Variants in VPS33B observed in about 807,000 individuals in gnomAD.
VPS33B encodes the protein VPS33B late endosome and lysosome associated.
VPS33B carries 80 observed loss-of-function variants against 95.3 expected under a neutral mutation model. The observed-to-expected ratio is 0.84, with a 90% CI of 0.70 to 1.01. The LOEUF (loss-of-function observed/expected upper bound fraction) is 1.01. Among genes scored for constraint, VPS33B ranks in the 50% least tolerant of loss-of-function variants. The pLI is 0.00. For missense variants in VPS33B, 715 were observed against 773.4 expected (o/e 0.92, Z 0.90); for synonymous variants, 280 against 280.4 (o/e 1.00, Z 0.01).
In VPS33B at chr15:91,022,333, G is replaced by T. The variant is rs548888101; in HGVS notation, c.-84C>A. On this transcript the variant is annotated 5_prime_UTR_variant, in exon 1 of 23. Coordinates refer to ENST00000333371, the MANE Select transcript of VPS33B (RefSeq NM_018668.5). ...CGCAGCCCAGGGAAGCGCAAGGGGG[G>T]CTATCCTTCAGGCCTGGGCACCGAC... 32 of 1,404,730 alleles carry T rather than the reference G, an allele frequency of 2.3e-5. No homozygotes were observed. The South Asian group carries it at 4.2e-4, about 18-fold the overall frequency. 87.0% of individuals were successfully genotyped at this position (1,404,730 alleles called of 1,614,324 possible). A position where few individuals can be genotyped will look rare whatever the true frequency, so the allele number is the denominator to read the frequency against.
Position 91,017,010 on chromosome 15 carries a change from G to A in VPS33B, c.192C>T (p.Asp64=). 2 of 1,613,980 alleles carry A rather than the reference G, an allele frequency of 1.2e-6. No individual in the cohort carries two copies. Among genetic ancestry groups the A allele is most frequent in the East Asian group, 2.2e-5 (1 of 44,878 alleles). ...NVSILKQHEV[D]KLYKVENKPA... is the part of the protein sequence containing the mutation. ...GCTTGTTCTCCACCTTGTATAGCTT[G>A]TCTACTTCGTGTTGCTACAGAGAGA... The change falls in exon 3 of 23, where the codon GAC becomes GAT. Residue 64 remains aspartate (D), a synonymous_variant. Transcript: ENST00000333371.
chr15:91,000,390 C>T lies in VPS33B; in HGVS notation c.1581+100G>A. ...CCAGCCTGGGTGACAGAGCAAGACT[C>T]CATCTCAAATAAAAAAAAAAAAACA... On this transcript the variant is annotated intron_variant, in intron 20 of 22. Coordinates refer to ENST00000333371, the MANE Select transcript of VPS33B (RefSeq NM_018668.5). The surrounding 1 kb of genome is among the most constrained non-coding windows in gnomAD (Gnocchi z 4.9). 1 of 1,123,566 alleles carries T rather than the reference C, an allele frequency of 8.9e-7. No homozygotes were observed. Among genetic ancestry groups the T allele is most frequent in the South Asian group, 1.3e-5 (1 of 74,584 alleles). 69.6% of individuals were successfully genotyped at this position (1,123,566 alleles called of 1,614,324 possible). A position where few individuals can be genotyped will look rare whatever the true frequency, so the allele number is the denominator to read the frequency against.
intron 17 of VPS33B, 69 bp downstream of exon 17, chr15:91,003,016 C>T (rs928785254): frequency 1.9e-6 from 3 of 1,558,442 alleles, no homozygotes; most frequent in African/African-American, 2.7e-5. Context: ...ACTTCTCTTG[C>T]CTCTTTCAAA....
In VPS33B at chr15:90,999,991, C is replaced by A; in HGVS notation, c.1582-16G>T. Reference sequence around the variant, plus strand: ...GCTCTAGCACCTGGGAAGGTGTAAGCACTGTTTTTAAGGCTACAGACAGTA... The same window carrying A: ...GCTCTAGCACCTGGGAAGGTGTAAGAACTGTTTTTAAGGCTACAGACAGTA... On this transcript the variant is annotated splice_polypyrimidine_tract_variant and intron_variant, in intron 20 of 22. Transcript: ENST00000333371. The surrounding 1 kb of genome is among the most constrained non-coding windows in gnomAD (Gnocchi z 5.1). 3 of 1,614,064 alleles carry A rather than the reference C, an allele frequency of 1.9e-6. No individual in the cohort carries two copies. The highest frequency in any genetic ancestry group is 2.5e-6 in the Non-Finnish European group (3 of 1,180,008).
Position 91,007,822 on chromosome 15 carries a change from A to G in VPS33B, c.498+48T>C. Reference sequence around the variant, plus strand: ...GTATTTCTAGCCCTCTGCATCCCACATTTGTCCCCATCCCCTGATGCCAAG... The same window carrying G: ...GTATTTCTAGCCCTCTGCATCCCACGTTTGTCCCCATCCCCTGATGCCAAG... On this transcript the variant is annotated intron_variant, in intron 7 of 22. Coordinates refer to ENST00000333371, the MANE Select transcript of VPS33B (RefSeq NM_018668.5). This position sits in a 1 kb window ranked among gnomAD's most constrained non-coding sequence, Gnocchi z 5.3. 2 of 1,556,112 alleles carry G rather than the reference A, an allele frequency of 1.3e-6. No homozygotes were observed. Among genetic ancestry groups the G allele is most frequent in the South Asian group, 1.1e-5 (1 of 89,926 alleles).
At position 91,016,147 on chromosome 15, in the gene VPS33B, G is replaced by A. The variant is rs115919684; in HGVS notation, c.239+816C>T. Among the ~76,000 whole-genome samples, 568 of 152,202 alleles carry A rather than the reference G, an allele frequency of 3.7e-3. 2 individuals are homozygous for A. The highest frequency in any genetic ancestry group is 0.013 in the African/African-American group (539 of 41,524). On this transcript the variant is annotated intron_variant, in intron 3 of 22. Transcript: ENST00000333371. The stretch of plus-strand genomic sequence containing the variant: ...TCTGAAGGATGGACATTCTTTATAG[G>A]AGCAGTGAGGACAGGAGAGAATTTC...
At position 91,005,493 on chromosome 15, in the gene VPS33B, C is replaced by T; in HGVS notation, c.1031-39G>A. On this transcript the variant is annotated intron_variant, in intron 13 of 22. Coordinates refer to ENST00000333371, the MANE Select transcript of VPS33B (RefSeq NM_018668.5). This position sits in a 1 kb window ranked among gnomAD's most constrained non-coding sequence, Gnocchi z 6.4. ...AAAGGGAGCTGACATACTCCTGGTT[C>T]TAGAAAGATGTCCCTTTATTGTCCG... is the stretch of plus-strand genomic sequence containing the variant. The T allele has an allele frequency of 2.5e-6, 4 of 1,613,036 alleles. No homozygotes were observed. Among genetic ancestry groups the T allele is most frequent in the Non-Finnish European group, 3.4e-6 (4 of 1,179,170 alleles).
intron 1 of VPS33B, among the ~76,000 whole-genome samples, chr15:91,020,764 C>T (rs542744274): frequency 6.6e-6 from 1 of 152,198 alleles, no homozygotes; most frequent in Non-Finnish European, 1.5e-5. Flanking sequence ...GCCTGTAATC[C>T]CAACTACTGG....
Position 91,002,148 on chromosome 15 carries a change from T to C in VPS33B, c.1307A>G (p.Asn436Ser), listed in dbSNP as rs145418676. 3.9e-5 allele frequency: 63 copies of C among 1,613,990 alleles called. No individual in the cohort carries two copies. Among genetic ancestry groups the C allele is most frequent in the South Asian group, 2.9e-4 (26 of 91,080 alleles). ...YGPEHLLTFS[N>S]LRRAGLLTEQ... Reference sequence around the variant, plus strand: ...CGTTAGGAGCCCAGCTCTTCGCAGATTGGAGAAGGTTAGCAGGTGCTCAGG... The same window carrying C: ...CGTTAGGAGCCCAGCTCTTCGCAGACTGGAGAAGGTTAGCAGGTGCTCAGG... Residue 436 changes from asparagine (N) to serine (S), a missense_variant, in exon 18 of 23, where the codon AAT becomes AGT. Coordinates refer to ENST00000333371, the MANE Select transcript of VPS33B (RefSeq NM_018668.5). This position sits in a 1 kb window ranked among gnomAD's most constrained non-coding sequence, Gnocchi z 4.7.
chr15:91,019,319 T>C lies in VPS33B; in HGVS notation c.97-1434A>G, dbSNP rs113295648. On this transcript the variant is annotated intron_variant, in intron 1 of 22. Transcript: ENST00000333371. ...TTTTAGTAGACATGGAATTTCGCCA[T>C]GTTGGCCAGGGTGTTCTCGAACCCC... Among the ~76,000 whole-genome samples, 1,478 of 151,956 alleles carry C rather than the reference T, an allele frequency of 9.7e-3. 24 individuals are homozygous for C. Among genetic ancestry groups the C allele is most frequent in the African/African-American group, 0.033 (1,385 of 41,426 alleles).
In VPS33B at chr15:91,002,657, G is replaced by T. The variant is rs184240988; in HGVS notation, c.1272+428C>A. Among the ~76,000 whole-genome samples, 5 of 148,410 alleles carry T rather than the reference G, an allele frequency of 3.4e-5. No homozygotes were observed. In the East Asian group the frequency reaches 8.0e-4, roughly 24 times the overall value. On this transcript the variant is annotated intron_variant, in intron 17 of 22. Transcript: ENST00000333371. This position sits in a 1 kb window ranked among gnomAD's most constrained non-coding sequence, Gnocchi z 4.7. ...AATAAAAAAAAAAAAAAAAAGAAAA[G>T]AAATAATTAGCACCAAACAAAGAAG... is the stretch of plus-strand genomic sequence containing the variant.
rs2040728919 is a variant in VPS33B at position 91,009,756 on chromosome 15, C to T, written c.403+45G>A. On this transcript the variant is annotated intron_variant, in intron 6 of 22. Coordinates refer to ENST00000333371, the MANE Select transcript of VPS33B (RefSeq NM_018668.5). The surrounding 1 kb of genome is among the most constrained non-coding windows in gnomAD (Gnocchi z 4.1). The stretch of plus-strand genomic sequence containing the variant: ...TGGAGAACAACAACAGTTTTTTCTT[C>T]TGTATGTTCTCTTTCCCTTTCCACT... The T allele has an allele frequency of 6.2e-7, 1 of 1,610,674 alleles. No individual in the cohort carries two copies. Among genetic ancestry groups the T allele is most frequent in the African/African-American group, 1.3e-5 (1 of 74,954 alleles).
At position 91,006,523 on chromosome 15, in the gene VPS33B, C is replaced by T; in HGVS notation, c.779-78G>A. 6.2e-7 allele frequency: 1 copy of T among 1,610,502 alleles called. No individual in the cohort carries two copies. The highest frequency in any genetic ancestry group is 1.1e-5 in the South Asian group (1 of 90,976). On this transcript the variant is annotated intron_variant, in intron 10 of 22. Transcript: ENST00000333371. The surrounding 1 kb of genome is among the most constrained non-coding windows in gnomAD (Gnocchi z 5.4). ...CATTCCCTGAACTGCCATAAAGGTC[C>T]TCAAACTATTTGGAAGCCAGCAGTT...
At chr15:91,017,365 T>TTAAAAAAAAAAAAAAAAAAAAAAAAA (rs1555460460) in intron 2 of VPS33B, among the ~76,000 whole-genome samples, 307 of 16,910 alleles carry the variant, frequency 0.018, 64 homozygotes, top group East Asian at 0.13. Context: ...TCTACAAAAT[T>TTAAAAAAAAAAAAAAAAAAAAAAAAA]AAATATATAT....
chr15:91,002,995 G>C lies in VPS33B; in HGVS notation c.1272+90C>G. 1 of 1,415,644 alleles carries C rather than the reference G, an allele frequency of 7.1e-7. No individual in the cohort carries two copies. Among genetic ancestry groups the C allele is most frequent in the South Asian group, 1.1e-5 (1 of 87,120 alleles). 87.7% of individuals were successfully genotyped at this position (1,415,644 alleles called of 1,614,324 possible). A position where few individuals can be genotyped will look rare whatever the true frequency, so the allele number is the denominator to read the frequency against. ...TGGAAACAGGAGGGTAATGGAGGCA[G>C]GAAAGGGGCCACTTCTCTTGCCTCT... On this transcript the variant is annotated intron_variant, in intron 17 of 22. Transcript: ENST00000333371. The surrounding 1 kb of genome is among the most constrained non-coding windows in gnomAD (Gnocchi z 4.7).
intron 4 of VPS33B, 55 bp downstream of exon 4, chr15:91,014,329 C>T: frequency 1.3e-6 from 2 of 1,593,584 alleles, no homozygotes; most frequent in African/African-American, 1.3e-5. Flanking sequence ...GGCCAAGGCC[C>T]TTAGATTTTG....
chr15:91,018,657 T>C lies in VPS33B; in HGVS notation c.97-772A>G, dbSNP rs1046440712. Among the ~76,000 whole-genome samples, 1 of 152,146 alleles carries C rather than the reference T, an allele frequency of 6.6e-6. No individual in the cohort carries two copies. The highest frequency in any genetic ancestry group is 1.5e-5 in the Non-Finnish European group (1 of 68,016). ...ACATTTTTGGTTATCTGACTCAGGG[T>C]AGGGGTTTTACTGGCATCTTGTGGG... On this transcript the variant is annotated intron_variant, in intron 1 of 22. Coordinates refer to ENST00000333371, the MANE Select transcript of VPS33B (RefSeq NM_018668.5). This position sits in a 1 kb window ranked among gnomAD's most constrained non-coding sequence, Gnocchi z 4.7.
At chr15:91,017,911 C>A in intron 1 of VPS33B, 26 bp from the exon 2 acceptor site, 3 of 1,611,746 alleles carry the variant, frequency 1.9e-6, no homozygotes, top group South Asian at 2.2e-5. Context: ...TATGTTGGGT[C>A]ACTCACAGGT....
chr15:91,001,930 A>G, intron 18 of VPS33B, 120 bp downstream of exon 18: 1 of 1,500,760 alleles, frequency 6.7e-7, no homozygotes, highest in Non-Finnish European at 9.2e-7. Context: ...AATAGTAATG[A>G]CATTAATAGG....
Sources: gnomAD v4.1 joint callset for allele counts (sites outside exome capture counted in the v4.1 genomes callset) on GRCh38, gnomAD v4.1.1 for gene constraint, Gnocchi (gnomAD v3.1) non-coding constraint, MANE v1.5 for transcripts, NCBI Gene and HGNC (gene_info 2026-07-23, HGNC 2026-07-21) for gene names.